ARHGAP42: variants seen among roughly 807,000 people sequenced by gnomAD.
ARHGAP42 encodes the protein rho GTPase-activating protein 42.
A neutral mutation model predicts 125.0 loss-of-function variants in ARHGAP42; 63 were observed. The observed-to-expected ratio is 0.50, with a 90% CI of 0.41 to 0.62. The LOEUF (loss-of-function observed/expected upper bound fraction) is 0.62, where lower values mean the gene tolerates loss of function less well. ARHGAP42 is among the 20% of genes least tolerant of loss of function. ARHGAP42 has a pLI of 0.00. For synonymous variants in ARHGAP42, 339 were observed against 351.0 expected (o/e 0.97, Z 0.38); for missense variants, 766 against 1,024.2 (o/e 0.75, Z 3.44).
rs1862372912 is a variant in ARHGAP42 at position 100,748,970 on chromosome 11, CT to C, written c.155-21372del. Among the ~76,000 whole-genome samples the C allele has an allele frequency of 4.9e-4, 74 of 152,160 alleles. No homozygotes were observed. The South Asian group carries it at 0.014, about 28-fold the overall frequency. ...TCTTTCTCTCTGACTCCCTCTTTGT[CT>C]CTCTGTCTCTTTCTCTCTCTCTGCC... is the stretch of plus-strand genomic sequence containing the variant. On this transcript the variant is annotated intron_variant, in intron 1 of 23. Transcript: ENST00000298815.
intron 3 of ARHGAP42, among the ~76,000 whole-genome samples, chr11:100,808,819 G>A (rs1032519039): frequency 7.9e-5 from 12 of 152,110 alleles, no homozygotes; most frequent in African/African-American, 2.2e-4. Context: ...CATTTTACTT[G>A]TTATAATAGT....
rs76389671 is a variant in ARHGAP42 at position 100,741,456 on chromosome 11, C to T, written c.155-28887C>T. Among the ~76,000 whole-genome samples the T allele has an allele frequency of 4.4e-3, 667 of 152,348 alleles. 4 individuals are homozygous for T. Among genetic ancestry groups the T allele is most frequent in the African/African-American group, 0.015 (634 of 41,574 alleles). On this transcript the variant is annotated intron_variant, in intron 1 of 23. Transcript: ENST00000298815. Reference sequence around the variant, plus strand: ...GAGAGAGGGTGAGAAAAAGGAAACTCATTTGTGGGCTGTTTCCTGTTAGTA... The same window carrying T: ...GAGAGAGGGTGAGAAAAAGGAAACTTATTTGTGGGCTGTTTCCTGTTAGTA...
chr11:100,764,246 A>G (rs1162562105), intron 1 of ARHGAP42, among the ~76,000 whole-genome samples: 1 of 150,638 alleles, frequency 6.6e-6, no homozygotes, highest in East Asian at 2.0e-4. Flanking sequence ...TTCAATTTCA[A>G]CTCTTGGCTC....
intron 4 of ARHGAP42, among the ~76,000 whole-genome samples, chr11:100,899,717 GTTTTGTTTTTTT>G (rs1332518146): frequency 5.9e-5 from 4 of 67,456 alleles, no homozygotes; most frequent in African/African-American, 9.5e-5. Context: ...TTTGTTTTGT[GTTTTGTTTTTTT>G]TTTTGTTTTT....
At chr11:100,759,077 G>T (rs551899604) in intron 1 of ARHGAP42, among the ~76,000 whole-genome samples, 1 of 152,240 alleles carries the variant, frequency 6.6e-6, no homozygotes, top group South Asian at 2.1e-4. Context: ...CATTTTTATA[G>T]TGGATGTTTT....
intron 4 of ARHGAP42, among the ~76,000 whole-genome samples, chr11:100,909,124 G>A (rs940818809): frequency 6.6e-6 from 1 of 152,094 alleles, no homozygotes; most frequent in Non-Finnish European, 1.5e-5. Flanking sequence ...TGTAGGTTAT[G>A]GATATTAGCC....
intron 1 of ARHGAP42, 153 bp downstream of exon 1, chr11:100,687,985 G>C (rs1861116429): frequency 1.2e-6 from 1 of 855,426 alleles, no homozygotes; most frequent in South Asian, 2.0e-5. Context: ...GGCCAACAAA[G>C]TTTGTTCTTG....
rs115760105 is a variant in ARHGAP42, at chr11:100,736,329, G to T, written c.155-34014G>T. On this transcript the variant is annotated intron_variant, in intron 1 of 23. Coordinates refer to ENST00000298815, the MANE Select transcript of ARHGAP42 (RefSeq NM_152432.4). ...TTCTTTATATGGATGCATGCCGGGG[G>T]CTTCCCGATGATCACTTGAGGATGG... is the stretch of plus-strand genomic sequence containing the variant. Among the ~76,000 whole-genome samples, 391 of 152,276 alleles carry T rather than the reference G, an allele frequency of 2.6e-3. 1 individual carries two copies. Among genetic ancestry groups the T allele is most frequent in the African/African-American group, 9.1e-3 (377 of 41,552 alleles).
chr11:100,747,509 G>T (rs1379045328), intron 1 of ARHGAP42, among the ~76,000 whole-genome samples: 1 of 152,166 alleles, frequency 6.6e-6, no homozygotes, highest in Non-Finnish European at 1.5e-5. Context: ...AGAAAATCCT[G>T]TTGTGCTTTT....
chr11:100,965,987 T>C (rs1858082399), intron 17 of ARHGAP42, among the ~76,000 whole-genome samples: 1 of 152,214 alleles, frequency 6.6e-6, no homozygotes, highest in Non-Finnish European at 1.5e-5. Context: ...ATTATGCAAA[T>C]AATTATATCC....
At chr11:100,715,373 T>C (rs1481229324) in intron 1 of ARHGAP42, among the ~76,000 whole-genome samples, 1 of 152,104 alleles carries the variant, frequency 6.6e-6, no homozygotes, top group Non-Finnish European at 1.5e-5. Context: ...TAGTATCCCC[T>C]GGAGTATAAA....
intron 1 of ARHGAP42, among the ~76,000 whole-genome samples, chr11:100,725,922 G>A (rs1591130473): frequency 7.8e-6 from 1 of 128,784 alleles, no homozygotes; most frequent in Admixed American, 8.3e-5. Flanking sequence ...GGGACAGAGT[G>A]AGACTCCGTC....
chr11:100,902,947 C>T (rs141884623), intron 4 of ARHGAP42, among the ~76,000 whole-genome samples: 87 of 152,182 alleles, frequency 5.7e-4, no homozygotes, highest in Middle Eastern at 3.4e-3. Context: ...ACCCAATGAA[C>T]GGCCCCGAGG....
intron 11 of ARHGAP42, 88 bp from the exon 12 acceptor site, chr11:100,949,829 C>T: frequency 1.2e-6 from 1 of 807,616 alleles, no homozygotes; most frequent in Non-Finnish European, 1.8e-6. Flanking sequence ...ACACTCTTTT[C>T]ATCTATTAGT....
intron 17 of ARHGAP42, among the ~76,000 whole-genome samples, chr11:100,972,195 G>A (rs1455376483): frequency 1.3e-5 from 2 of 152,152 alleles, no homozygotes; most frequent in African/African-American, 2.4e-5. Context: ...AATGCAGTTT[G>A]TGACGCATGG....
chr11:100,904,537 A>G (rs662870), intron 4 of ARHGAP42, among the ~76,000 whole-genome samples: 84,420 of 151,606 alleles, frequency 0.56, 25,288 homozygotes, highest in African/African-American at 0.73. Flanking sequence ...ATGAGCCACC[A>G]TGCCCGGACT....
intron 3 of ARHGAP42, among the ~76,000 whole-genome samples, chr11:100,832,166 C>G (rs181101029): frequency 1.8e-3 from 270 of 152,322 alleles, no homozygotes; most frequent in African/African-American, 6.2e-3. Flanking sequence ...CAGTTAGGCA[C>G]ATGACTTTAG....
chr11:100,937,160 A>G (rs1867759331), intron 8 of ARHGAP42, among the ~76,000 whole-genome samples: 1 of 152,176 alleles, frequency 6.6e-6, no homozygotes, highest in African/African-American at 2.4e-5. Context: ...GCAAACATTT[A>G]TTACTGCATG....
intron 1 of ARHGAP42, among the ~76,000 whole-genome samples, chr11:100,754,927 A>G (rs1473114994): frequency 1.3e-5 from 2 of 152,354 alleles, no homozygotes; most frequent in African/African-American, 2.4e-5. Flanking sequence ...TAGGATATAC[A>G]TATCTTAAGA....
Sources: allele counts gnomAD v4.1 joint callset (sites outside exome capture counted in the v4.1 genomes callset), GRCh38; gene constraint gnomAD v4.1.1; transcripts MANE v1.5; gene names NCBI Gene and HGNC (gene_info 2026-07-23, HGNC 2026-07-21).